RBL1: variants seen among roughly 807,000 people sequenced by gnomAD.
RBL1 encodes retinoblastoma-like protein 1.
RBL1 carries 82 observed loss-of-function variants against 123.0 expected under a neutral mutation model. That is an observed-to-expected ratio of 0.67 (90% confidence interval 0.56 to 0.80). The LOEUF (loss-of-function observed/expected upper bound fraction) is 0.80. Ranked by LOEUF, RBL1 falls within the 30% of genes least tolerant of loss-of-function variation. The pLI is 0.00. For synonymous variants in RBL1, 405 were observed against 441.3 expected (o/e 0.92, Z 1.03); for missense variants, 1,171 against 1,299.6 (o/e 0.90, Z 1.52).
Position 37,035,298 on chromosome 20 carries a change from A to G in RBL1, c.2114T>C (p.Met705Thr), listed in dbSNP as rs1226960403. 3 of 1,613,896 alleles carry G rather than the reference A, an allele frequency of 1.9e-6. No homozygotes were observed. Among genetic ancestry groups the G allele is most frequent in the East Asian group, 2.2e-5 (1 of 44,886 alleles). ...TGTTCCTGTTACTGGGGCTGTGGCC[A>G]TTGTTAGAAGAGTTTGACCAGGTAA... ...SILPGQTLLT[M>T]ATAPVTGTTG... The change falls in exon 15 of 22, where the codon ATG becomes ACG. Residue 705 changes from methionine (M) to threonine (T), a missense_variant. Transcript: ENST00000373664.
intron 2 of RBL1, among the ~76,000 whole-genome samples, chr20:37,086,506 C>T (rs1208410085): frequency 6.6e-6 from 1 of 151,890 alleles, no homozygotes; most frequent in Non-Finnish European, 1.5e-5. Context: ...GGCCATTGCA[C>T]TCCAGCCGGG....
At chr20:37,091,564 A>C (rs2065647048) in intron 1 of RBL1, among the ~76,000 whole-genome samples, 1 of 151,608 alleles carries the variant, frequency 6.6e-6, no homozygotes, top group South Asian at 2.1e-4. Context: ...TACCTGGGGA[A>C]CTGAGATGGG....
intron 16 of RBL1, among the ~76,000 whole-genome samples, chr20:37,031,169 C>T (rs1259582488): frequency 6.6e-6 from 1 of 151,948 alleles, no homozygotes; most frequent in Non-Finnish European, 1.5e-5. Context: ...ACCAAAAGCA[C>T]AGACAAAAAA....
intron 7 of RBL1, 135 bp downstream of exon 7, chr20:37,065,289 T>G (rs576423635): frequency 2.5e-5 from 15 of 610,546 alleles, no homozygotes; most frequent in Non-Finnish European, 3.9e-5. Context: ...TAATAAACAT[T>G]CAATGCCACT....
chr20:37,012,488 G>A (rs2059439243), intron 19 of RBL1, among the ~76,000 whole-genome samples: 2 of 150,388 alleles, frequency 1.3e-5, no homozygotes, highest in Non-Finnish European at 3.0e-5. Flanking sequence ...CCCATCGTCT[G>A]AGATGTGGGG....
chr20:37,019,704 C>T (rs550120031), intron 18 of RBL1, among the ~76,000 whole-genome samples: 51 of 152,318 alleles, frequency 3.3e-4, no homozygotes, highest in African/African-American at 1.1e-3. Context: ...TTTCTGTCTA[C>T]AATTTCCAGG....
chr20:37,080,317 C>G (rs567030372), intron 2 of RBL1, among the ~76,000 whole-genome samples: 2 of 151,822 alleles, frequency 1.3e-5, no homozygotes, highest in African/African-American at 4.8e-5. Context: ...CCACCATGTT[C>G]GGCTGTTTTT....
intron 14 of RBL1, among the ~76,000 whole-genome samples, chr20:37,038,804 T>C (rs188533422): frequency 0.022 from 3,282 of 151,804 alleles, 52 homozygotes; most frequent in Middle Eastern, 0.034. Context: ...GGTTTCACCA[T>C]GTTGGCCAGG....
intron 9 of RBL1, among the ~76,000 whole-genome samples, chr20:37,057,121 T>C (rs144635984): frequency 6.6e-6 from 1 of 152,292 alleles, no homozygotes; most frequent in African/African-American, 2.4e-5. Context: ...ACTTAAGGTG[T>C]TTCCACAACT....
chr20:37,069,290 T>C (rs1374123449), intron 2 of RBL1, among the ~76,000 whole-genome samples: 4 of 138,588 alleles, frequency 2.9e-5, no homozygotes, highest in South Asian at 2.4e-4. Flanking sequence ...CGTCTCTGCC[T>C]GGCCGCCCAT....
rs558234425 is a variant in RBL1, at chr20:37,069,296, C to T, written c.291-1110G>A. ...AGTGAGGAGCGTCTCTGCCTGGCCGCCCATCGTCTGGGATGTGAGGAGCCC... is the reference window on the plus strand; with the variant it reads ...AGTGAGGAGCGTCTCTGCCTGGCCGTCCATCGTCTGGGATGTGAGGAGCCC... On this transcript the variant is annotated intron_variant, in intron 2 of 21. Coordinates refer to ENST00000373664, the MANE Select transcript of RBL1 (RefSeq NM_002895.5). Among the ~76,000 whole-genome samples the T allele has an allele frequency of 1.8e-4, 27 of 151,948 alleles. No individual in the cohort carries two copies. In the South Asian group the frequency reaches 3.3e-3, roughly 19 times the overall value.
At chr20:37,007,279 T>C in intron 20 of RBL1, 132 bp downstream of exon 20, 1 of 942,324 alleles carries the variant, frequency 1.1e-6, no homozygotes, top group Non-Finnish European at 1.6e-6. Context: ...CCTTAATCAC[T>C]GATTAAGTTA....
At chr20:37,028,435 G>A (rs983350833) in intron 16 of RBL1, among the ~76,000 whole-genome samples, 4 of 152,044 alleles carry the variant, frequency 2.6e-5, no homozygotes, top group Non-Finnish European at 5.9e-5. Context: ...AGGTCAAAGA[G>A]GGAGGATCAC....
intron 21 of RBL1, among the ~76,000 whole-genome samples, chr20:36,999,607 T>A (rs919809760): frequency 1.3e-5 from 2 of 148,312 alleles, no homozygotes; most frequent in Non-Finnish European, 3.0e-5. Context: ...TTCTCCTGCC[T>A]CAGCCTGCCG....
intron 2 of RBL1, among the ~76,000 whole-genome samples, chr20:37,080,741 G>C (rs2065436084): frequency 6.6e-6 from 1 of 152,134 alleles, no homozygotes; most frequent in African/African-American, 2.4e-5. Flanking sequence ...TTATAGGTGT[G>C]AGCCACCACG....
At chr20:37,018,051 A>C (rs1314472853) in intron 19 of RBL1, among the ~76,000 whole-genome samples, 3 of 152,202 alleles carry the variant, frequency 2.0e-5, no homozygotes, top group Non-Finnish European at 4.4e-5. Context: ...AACATGTATA[A>C]GTAGACTAGA....
At chr20:37,013,585 TA>T (rs5841249) in intron 19 of RBL1, among the ~76,000 whole-genome samples, 1,980 of 101,402 alleles carry the variant, frequency 0.02, 32 homozygotes, top group African/African-American at 0.049. Flanking sequence ...GAATGATCAA[TA>T]AAAAAAAAAA....
chr20:37,000,691 C>A (rs2063958753), intron 21 of RBL1, among the ~76,000 whole-genome samples: 1 of 132,136 alleles, frequency 7.6e-6, no homozygotes, highest in African/African-American at 2.9e-5. Flanking sequence ...GCCCCTCTGC[C>A]CGGCCAGCCG....
At chr20:37,027,510 T>G (rs1362871602) in intron 16 of RBL1, among the ~76,000 whole-genome samples, 1 of 152,188 alleles carries the variant, frequency 6.6e-6, no homozygotes, top group African/African-American at 2.4e-5. Context: ...GGCAATAGAA[T>G]GGGCTAGCCA....
Sources: allele counts gnomAD v4.1 joint callset (sites outside exome capture counted in the v4.1 genomes callset), GRCh38; gene constraint gnomAD v4.1.1; transcripts MANE v1.5; gene names NCBI Gene and HGNC (gene_info 2026-07-23, HGNC 2026-07-21).